SETBP1: variants seen among roughly 807,000 people sequenced by gnomAD.
SETBP1 encodes the protein SET-binding protein.
SETBP1 carries 9 observed loss-of-function variants against 101.0 expected under a neutral mutation model. The observed-to-expected ratio is 0.09, with a 90% CI of 0.05 to 0.16. SETBP1 has a LOEUF of 0.16. Ranked by LOEUF, SETBP1 falls within the 10% of genes least tolerant of loss-of-function variation. The probability of loss-of-function intolerance (pLI) is 1.00; values close to 1 mark genes in which losing one functional copy is unlikely to be tolerated. For missense variants in SETBP1, 1,858 were observed against 2,033.8 expected (o/e 0.91, Z 1.66); for synonymous variants, 818 against 788.5 (o/e 1.04, Z -0.63).
At chr18:44,826,770 T>G in intron 2 of SETBP1, among the ~76,000 whole-genome samples, 2 of 150,536 alleles carry the variant, frequency 1.3e-5, no homozygotes, top group East Asian at 2.0e-4. Context: ...TGGGGAGGAG[T>G]AGTGAAAAGG....
chr18:44,968,229 A>G (rs535603086), intron 4 of SETBP1, among the ~76,000 whole-genome samples: 1 of 152,300 alleles, frequency 6.6e-6, no homozygotes, highest in African/African-American at 2.4e-5. Context: ...TTGAGAAAAT[A>G]TTGCACTTAT....
chr18:44,975,517 G>T (rs1328031586), intron 4 of SETBP1, among the ~76,000 whole-genome samples: 2 of 152,130 alleles, frequency 1.3e-5, no homozygotes, highest in Non-Finnish European at 2.9e-5. Context: ...TGAACAAAGT[G>T]AAGATACTGT....
chr18:44,818,671 A>G lies in SETBP1; in HGVS notation c.487-50559A>G, dbSNP rs189628774. Among the ~76,000 whole-genome samples the G allele has an allele frequency of 1.4e-3, 207 of 152,122 alleles. 2 individuals are homozygous for G. Among genetic ancestry groups the G allele is most frequent in the Middle Eastern group, 6.8e-3 (2 of 294 alleles). On this transcript the variant is annotated intron_variant, in intron 2 of 5. Transcript: ENST00000649279. ...AGAGATCTAAAAGGCATGAACTACT[A>G]TTTGTGATACTTATCTTCACAAAAG...
chr18:44,896,693 T>C (rs542449672), intron 3 of SETBP1, among the ~76,000 whole-genome samples: 1 of 152,040 alleles, frequency 6.6e-6, no homozygotes, highest in Non-Finnish European at 1.5e-5. Context: ...TTTCACCACG[T>C]TGGTCAGGAT....
In SETBP1 at chr18:44,861,874, G is replaced by A. The variant is rs190595929; in HGVS notation, c.487-7356G>A. On this transcript the variant is annotated intron_variant, in intron 2 of 5. Coordinates refer to ENST00000649279, the MANE Select transcript of SETBP1 (RefSeq NM_015559.3). ...AAATTATATGTCAAGTTTTAAAGGGGTGGGACAAACTTCTGTAGGTTCATT... is the reference window on the plus strand; with the variant it reads ...AAATTATATGTCAAGTTTTAAAGGGATGGGACAAACTTCTGTAGGTTCATT... Among the ~76,000 whole-genome samples, 12 of 152,288 alleles carry A rather than the reference G, an allele frequency of 7.9e-5. No individual in the cohort carries two copies. In the East Asian group the frequency reaches 1.9e-3, roughly 24 times the overall value.
chr18:44,726,543 G>A (rs541389099), intron 2 of SETBP1, among the ~76,000 whole-genome samples: 9 of 152,154 alleles, frequency 5.9e-5, no homozygotes, highest in Admixed American at 4.6e-4. Flanking sequence ...AAGAGGTAGT[G>A]TTTGAAGTCC....
chr18:45,060,106 C>T (rs2073868853), intron 5 of SETBP1, among the ~76,000 whole-genome samples: 2 of 152,118 alleles, frequency 1.3e-5, no homozygotes, highest in African/African-American at 4.8e-5. Context: ...GTAGTTTATT[C>T]ATTTTAATGG....
At chr18:45,010,836 G>T (rs1397967909) in intron 4 of SETBP1, among the ~76,000 whole-genome samples, 2 of 152,198 alleles carry the variant, frequency 1.3e-5, no homozygotes, top group African/African-American at 4.8e-5. Flanking sequence ...GAAAATTCAG[G>T]CTTAAGGGGA....
chr18:44,688,365 T>C (rs2068871489), intron 1 of SETBP1, among the ~76,000 whole-genome samples: 1 of 152,170 alleles, frequency 6.6e-6, no homozygotes, highest in Non-Finnish European at 1.5e-5. Context: ...TCAGAAGCAG[T>C]GGGAGCACCA....
chr18:44,758,369 C>T lies in SETBP1; in HGVS notation c.486+56537C>T, dbSNP rs968683735. Among the ~76,000 whole-genome samples, 8 of 151,918 alleles carry T rather than the reference C, an allele frequency of 5.3e-5. No homozygotes were observed. In the East Asian group the frequency reaches 1.6e-3, roughly 29 times the overall value. On this transcript the variant is annotated intron_variant, in intron 2 of 5. Transcript: ENST00000649279. The stretch of plus-strand genomic sequence containing the variant: ...CCTTAAATCTTGAGACTCCAGAAGT[C>T]ACAGAGCTGAAAGAATTTTTTTTTT...
At chr18:44,871,092 C>A (rs2069264091) in intron 3 of SETBP1, 1 of 152,122 alleles carries the variant, frequency 6.6e-6, no homozygotes, top group Non-Finnish European at 1.5e-5. Context: ...CGTGTCATCA[C>A]CCTGAGGCAA....
intron 4 of SETBP1, among the ~76,000 whole-genome samples, chr18:44,962,177 G>A (rs2145154501): frequency 6.6e-6 from 1 of 152,342 alleles, no homozygotes; most frequent in South Asian, 2.1e-4. Context: ...CCAACAATGG[G>A]AGCTGCGGGG....
At chr18:44,941,581 T>G (rs1309540234) in intron 3 of SETBP1, among the ~76,000 whole-genome samples, 1 of 152,170 alleles carries the variant, frequency 6.6e-6, no homozygotes, top group Non-Finnish European at 1.5e-5. Flanking sequence ...ATTATCAGTC[T>G]GTTAGACCTC....
chr18:44,934,427 G>A (rs1414492421), intron 3 of SETBP1, among the ~76,000 whole-genome samples: 1 of 152,368 alleles, frequency 6.6e-6, no homozygotes, highest in East Asian at 1.9e-4. Context: ...GGGATTACAG[G>A]TGTGAGCCAC....
intron 2 of SETBP1, among the ~76,000 whole-genome samples, chr18:44,707,617 C>G (rs553791291): frequency 6.6e-6 from 1 of 152,206 alleles, no homozygotes; most frequent in African/African-American, 2.4e-5. Context: ...CATTCACAAT[C>G]TGCTTTTGAG....
intron 3 of SETBP1, among the ~76,000 whole-genome samples, chr18:44,917,850 A>G (rs2070475029): frequency 6.6e-6 from 1 of 152,044 alleles, no homozygotes; most frequent in Non-Finnish European, 1.5e-5. Flanking sequence ...ACTACTCACC[A>G]TGACTTTTGG....
intron 2 of SETBP1, among the ~76,000 whole-genome samples, chr18:44,805,379 T>A (rs1385814793): frequency 6.6e-6 from 1 of 151,634 alleles, no homozygotes; most frequent in African/African-American, 2.4e-5. Context: ...TGGGGATGGC[T>A]GTGGGTCCAT....
chr18:44,701,000 C>T (rs1378622962), intron 1 of SETBP1, among the ~76,000 whole-genome samples, 175 bp from the exon 2 acceptor site: 1 of 152,136 alleles, frequency 6.6e-6, no homozygotes, highest in Non-Finnish European at 1.5e-5. Context: ...GTGTTTTTCC[C>T]TCTGCTCTAG....
chr18:44,864,187 C>G (rs1042040736), intron 2 of SETBP1, among the ~76,000 whole-genome samples: 4 of 152,110 alleles, frequency 2.6e-5, no homozygotes, highest in Admixed American at 2.0e-4. Flanking sequence ...GGGAGAAGGG[C>G]AGCTGTTTGG....
Sources: allele counts gnomAD v4.1 joint callset (sites outside exome capture counted in the v4.1 genomes callset), GRCh38; gene constraint gnomAD v4.1.1; transcripts MANE v1.5; gene names NCBI Gene and HGNC (gene_info 2026-07-23, HGNC 2026-07-21).